Variants in CCDC171 observed in about 807,000 individuals in gnomAD.
The protein encoded by CCDC171 is coiled-coil domain-containing protein 171.
Under a neutral mutation model 168.2 loss-of-function variants are expected in CCDC171, and 177 were observed. The observed-to-expected ratio is 1.05, with a 90% confidence interval of 0.93 to 1.19. The LOEUF (loss-of-function observed/expected upper bound fraction) is 1.19, where lower values mean the gene tolerates loss of function less well. Among genes scored for constraint, CCDC171 ranks in the 50% most tolerant of loss-of-function variants. The pLI is 0.00. For missense variants in CCDC171, 1,991 were observed against 1,539.0 expected (o/e 1.29, Z -4.91); for synonymous variants, 687 against 540.8 (o/e 1.27, Z -3.75).
intron 3 of CCDC171, among the ~76,000 whole-genome samples, chr9:16,016,498 AG>A (rs1357818851): frequency 6.6e-6 from 1 of 152,210 alleles, no homozygotes; most frequent in Non-Finnish European, 1.5e-5. Flanking sequence ...GGGAGAGTGC[AG>A]GGGATTAGTG....
intron 4 of CCDC171, among the ~76,000 whole-genome samples, chr9:15,588,143 G>A (rs550989864): frequency 3.9e-4 from 60 of 152,274 alleles, no homozygotes; most frequent in Middle Eastern, 6.8e-3. Flanking sequence ...GCTGAGGTGG[G>A]AGAATCACTT....
At chr9:15,654,135 T>C (rs2047739447) in intron 7 of CCDC171, among the ~76,000 whole-genome samples, 1 of 152,176 alleles carries the variant, frequency 6.6e-6, no homozygotes. Context: ...CAAAGTATTA[T>C]TTTATCCTTT....
chr9:15,821,794 A>C (rs2136105238), intron 21 of CCDC171, among the ~76,000 whole-genome samples: 1 of 116,538 alleles, frequency 8.6e-6, no homozygotes, highest in East Asian at 2.2e-4. Context: ...ATCCCCATCA[A>C]GCTACCAATG....
intron 20 of CCDC171, among the ~76,000 whole-genome samples, chr9:15,782,682 T>C (rs188692690): frequency 6.6e-6 from 1 of 152,240 alleles, no homozygotes; most frequent in East Asian, 1.9e-4. Context: ...TACAAAAATA[T>C]ATGTTCACAA....
At chr9:16,016,720 A>T (rs963079105) in intron 3 of CCDC171, among the ~76,000 whole-genome samples, 2 of 152,174 alleles carry the variant, frequency 1.3e-5, no homozygotes, top group Admixed American at 6.6e-5. Context: ...GTCTGCAGAG[A>T]CATTTGGATG....
At chr9:15,754,927 T>C (rs1028085423) in intron 18 of CCDC171, among the ~76,000 whole-genome samples, 1 of 152,096 alleles carries the variant, frequency 6.6e-6, no homozygotes, top group African/African-American at 2.4e-5. Flanking sequence ...TGAAAATACA[T>C]TGGTTGATCT....
At chr9:16,038,292 C>G (rs540667871), upstream of CCDC171, among the ~76,000 whole-genome samples, 12 of 152,008 alleles carry the variant, frequency 7.9e-5, no homozygotes, top group African/African-American at 2.7e-4. Context: ...GAAAATTGAA[C>G]TAGAAAGGAA....
chr9:15,829,915 G>C (rs2060161305), intron 21 of CCDC171, among the ~76,000 whole-genome samples: 1 of 152,150 alleles, frequency 6.6e-6, no homozygotes, highest in Admixed American at 6.5e-5. Context: ...GTGAGACCCT[G>C]CTCAAAAAAA....
intron 18 of CCDC171, among the ~76,000 whole-genome samples, chr9:15,768,105 A>G (rs1478163879): frequency 6.0e-5 from 9 of 149,688 alleles, no homozygotes; most frequent in African/African-American, 1.7e-4. Flanking sequence ...TTTACCATCT[A>G]TGTGCTGATG....
At chr9:15,908,408 AAAAAC>A (rs1196173065) in intron 24 of CCDC171, among the ~76,000 whole-genome samples, 1 of 151,990 alleles carries the variant, frequency 6.6e-6, no homozygotes, top group African/African-American at 2.4e-5. Context: ...CACAAGGAGA[AAAAAC>A]AAAACACTGC....
the CCDC171 span, among the ~76,000 whole-genome samples, chr9:16,070,388 T>C: frequency 6.6e-6 from 1 of 152,182 alleles, no homozygotes; most frequent in Non-Finnish European, 1.5e-5. Context: ...GAAGGAATCA[T>C]ATGATGTGTG....
chr9:15,668,839 G>T (rs1328208476), intron 9 of CCDC171, among the ~76,000 whole-genome samples: 1 of 152,014 alleles, frequency 6.6e-6, no homozygotes, highest in Admixed American at 6.6e-5. Flanking sequence ...ATTTTTTAAA[G>T]AAGATTCTGA....
At chr9:15,649,982 A>C (rs949282658) in intron 7 of CCDC171, among the ~76,000 whole-genome samples, 51 of 152,152 alleles carry the variant, frequency 3.4e-4, no homozygotes, top group Non-Finnish European at 7.4e-5. Context: ...CACAATAGCA[A>C]AGACTTGGAA....
At chr9:15,575,790 T>G (rs1193186206) in intron 3 of CCDC171, among the ~76,000 whole-genome samples, 2 of 152,180 alleles carry the variant, frequency 1.3e-5, no homozygotes, top group Non-Finnish European at 2.9e-5. Context: ...ACATATCACA[T>G]TTTAGAAATT....
intron 11 of CCDC171, among the ~76,000 whole-genome samples, chr9:15,702,165 A>T (rs1421680155): frequency 6.6e-6 from 1 of 152,168 alleles, no homozygotes; most frequent in Non-Finnish European, 1.5e-5. Flanking sequence ...AGTAAGTCTC[A>T]ACAGTGGGCT....
At chr9:15,760,181 A>G (rs1342908587) in intron 18 of CCDC171, among the ~76,000 whole-genome samples, 1 of 152,174 alleles carries the variant, frequency 6.6e-6, no homozygotes, top group Non-Finnish European at 1.5e-5. Flanking sequence ...TGGGATTACA[A>G]ATTAATAGCA....
At chr9:15,584,652 G>A (rs924127202) in intron 4 of CCDC171, among the ~76,000 whole-genome samples, 1 of 152,122 alleles carries the variant, frequency 6.6e-6, no homozygotes, top group Non-Finnish European at 1.5e-5. Context: ...TTGCTTTGGG[G>A]AGAAAGAAGG....
chr9:15,934,799 A>G (rs1293607992), intron 25 of CCDC171, among the ~76,000 whole-genome samples: 2 of 152,098 alleles, frequency 1.3e-5, no homozygotes, highest in Non-Finnish European at 2.9e-5. Context: ...CAGCCAAACC[A>G]TGGACGAATA....
At chr9:15,743,405 C>G (rs958417109) in intron 16 of CCDC171, among the ~76,000 whole-genome samples, 1 of 151,952 alleles carries the variant, frequency 6.6e-6, no homozygotes, top group African/African-American at 2.4e-5. Flanking sequence ...CTCTTGAGCT[C>G]AAGCAATCCT....
Sources: gnomAD v4.1 joint callset for allele counts (sites outside exome capture counted in the v4.1 genomes callset) on GRCh38, gnomAD v4.1.1 for gene constraint, MANE v1.5 for transcripts, NCBI Gene and HGNC (gene_info 2026-07-23, HGNC 2026-07-21) for gene names.